The following KIAA1217 variants were observed in gnomAD, a reference collection of about 807,000 sequenced individuals.
KIAA1217 encodes the protein sickle tail protein homolog.
KIAA1217 carries 88 observed loss-of-function variants against 163.9 expected under a neutral mutation model. The observed-to-expected ratio is 0.54, with a 90% CI of 0.45 to 0.64. The LOEUF is 0.64. Ranked by LOEUF, KIAA1217 falls within the 30% of genes least tolerant of loss-of-function variation. The pLI is 0.00. For missense variants in KIAA1217, 2,372 were observed against 2,475.0 expected (o/e 0.96, Z 0.88); for synonymous variants, 903 against 923.1 (o/e 0.98, Z 0.39).
chr10:24,455,537 G>C (rs1358086227), intron 5 of KIAA1217, among the ~76,000 whole-genome samples: 2 of 152,210 alleles, frequency 1.3e-5, no homozygotes, highest in Admixed American at 1.3e-4. Context: ...GACAGGACTA[G>C]AATGGATAAT....
chr10:24,428,190 T>A (rs1049856301), intron 3 of KIAA1217, among the ~76,000 whole-genome samples: 1 of 152,226 alleles, frequency 6.6e-6, no homozygotes, highest in Non-Finnish European at 1.5e-5. Context: ...TGGTGGCCTT[T>A]CTGCAGTGGC....
Position 24,433,152 on chromosome 10 carries a change from A to G in KIAA1217, c.711A>G (p.Lys237=). ...LESPSVAIYI[K]DESRNVYYEL... is the part of the protein sequence containing the mutation. The stretch of plus-strand genomic sequence containing the variant: ...CGCCCAGTGTCGCCATTTACATCAA[A>G]GATGAAAGCAGAAATGTCTATTATG... The change falls in exon 4 of 21, where the codon AAA becomes AAG. Residue 237 remains lysine (K), a synonymous_variant. Coordinates refer to ENST00000376454, the MANE Select transcript of KIAA1217 (RefSeq NM_019590.5). 6.2e-7 allele frequency: 1 copy of G among 1,614,092 alleles called. No individual in the cohort carries two copies. Among genetic ancestry groups the G allele is most frequent in the Non-Finnish European group, 8.5e-7 (1 of 1,179,982 alleles).
At chr10:24,492,696 A>C (rs2066296560) in intron 6 of KIAA1217, among the ~76,000 whole-genome samples, 1 of 152,174 alleles carries the variant, frequency 6.6e-6, no homozygotes, top group Non-Finnish European at 1.5e-5. Context: ...TACATATGGC[A>C]CTGAGAGTTA....
At chr10:24,237,094 C>T (rs1266514402) in intron 2 of KIAA1217, among the ~76,000 whole-genome samples, 2 of 152,206 alleles carry the variant, frequency 1.3e-5, no homozygotes, top group Non-Finnish European at 2.9e-5. Context: ...TTATTGAGCT[C>T]TGATTTGATT....
intron 3 of KIAA1217, among the ~76,000 whole-genome samples, chr10:24,430,682 C>T (rs917162708): frequency 1.7e-4 from 26 of 152,166 alleles, no homozygotes; most frequent in African/African-American, 5.6e-4. Context: ...TCTCTTAAGG[C>T]GCATGCAACC....
chr10:23,885,938 A>G (rs1239452323), intron 1 of KIAA1217, among the ~76,000 whole-genome samples: 1 of 151,926 alleles, frequency 6.6e-6, no homozygotes, highest in Non-Finnish European at 1.5e-5. Flanking sequence ...AACCATGTTT[A>G]GTGGGTTATT....
At chr10:24,386,836 C>T (rs2054076834) in intron 3 of KIAA1217, among the ~76,000 whole-genome samples, 1 of 152,154 alleles carries the variant, frequency 6.6e-6, no homozygotes, top group Non-Finnish European at 1.5e-5. Context: ...ACATTGGCCT[C>T]TTAAAATGCT....
intron 2 of KIAA1217, among the ~76,000 whole-genome samples, chr10:24,145,239 A>C (rs1263205404): frequency 2.0e-5 from 3 of 152,204 alleles, no homozygotes; most frequent in Non-Finnish European, 4.4e-5. Flanking sequence ...TTGCTCAAAA[A>C]TCGGGATAAC....
intron 2 of KIAA1217, among the ~76,000 whole-genome samples, chr10:24,045,769 C>T (rs1031628980): frequency 3.9e-5 from 6 of 152,106 alleles, no homozygotes; most frequent in African/African-American, 1.2e-4. Flanking sequence ...ACCATATACC[C>T]ATGTTTCATG....
chr10:24,355,403 A>C (rs1161305559), intron 2 of KIAA1217, among the ~76,000 whole-genome samples: 1 of 152,186 alleles, frequency 6.6e-6, no homozygotes, highest in Non-Finnish European at 1.5e-5. Context: ...CAGCATGGTC[A>C]GGTTCTGGTG....
upstream of KIAA1217, among the ~76,000 whole-genome samples, chr10:24,207,282 T>TCTCTCACACACACACA (rs529791287): frequency 1.4e-5 from 2 of 140,166 alleles, no homozygotes; most frequent in African/African-American, 5.8e-5. Context: ...TCTCTCTCTC[T>TCTCTCACACACACACA]CACACACACA....
rs1182240024 is a variant in KIAA1217, at chr10:24,437,687, C to T, written c.753-699C>T. On this transcript the variant is annotated intron_variant, in intron 4 of 20. Transcript: ENST00000376454. ...CCTGTCTTTTGCTACGTTATGACAC[C>T]TTGGCTCTAAGAGCCGGGTTCAGAG... is the stretch of plus-strand genomic sequence containing the variant. 2.0e-5 allele frequency among the ~76,000 whole-genome samples: 3 copies of T among 152,234 alleles called. No individual in the cohort carries two copies. The South Asian group carries it at 6.2e-4, about 32-fold the overall frequency.
At chr10:24,242,531 G>C (rs1180795848) in intron 2 of KIAA1217, among the ~76,000 whole-genome samples, 1 of 151,890 alleles carries the variant, frequency 6.6e-6, no homozygotes, top group Non-Finnish European at 1.5e-5. Flanking sequence ...TGTCTTTGTG[G>C]ATAGCACGGT....
At chr10:24,180,434 A>G (rs1356517831) in intron 2 of KIAA1217, among the ~76,000 whole-genome samples, 1 of 151,916 alleles carries the variant, frequency 6.6e-6, no homozygotes, top group Non-Finnish European at 1.5e-5. Context: ...TTAAAGGTGC[A>G]TGCCACTATA....
At chr10:24,364,466 A>G (rs2050483146) in intron 2 of KIAA1217, among the ~76,000 whole-genome samples, 1 of 152,094 alleles carries the variant, frequency 6.6e-6, no homozygotes, top group Non-Finnish European at 1.5e-5. Context: ...AGAAGCGAAA[A>G]AAGGTTCTCA....
At chr10:23,795,834 A>G (rs10764426) in intron 1 of KIAA1217, among the ~76,000 whole-genome samples, 12,239 of 152,238 alleles carry the variant, frequency 0.08, 796 homozygotes, top group African/African-American at 0.17. Flanking sequence ...AGATTGCTAT[A>G]AAACAACTCA....
At chr10:23,700,546 G>T (rs945493533) in intron 1 of KIAA1217, among the ~76,000 whole-genome samples, 1 of 150,228 alleles carries the variant, frequency 6.7e-6, no homozygotes, top group Non-Finnish European at 1.5e-5. Context: ...GATTCTACAT[G>T]ATCTACCTGC....
intron 3 of KIAA1217, among the ~76,000 whole-genome samples, chr10:24,426,782 G>A (rs1440590751): frequency 6.6e-6 from 1 of 152,228 alleles, no homozygotes; most frequent in Non-Finnish European, 1.5e-5. Flanking sequence ...GAGGTGGTGA[G>A]AAGTGCGTGG....
chr10:24,097,456 G>A (rs2062208873), intron 2 of KIAA1217, among the ~76,000 whole-genome samples: 2 of 152,250 alleles, frequency 1.3e-5, no homozygotes, highest in African/African-American at 4.8e-5. Flanking sequence ...AGGAGGCTGA[G>A]GAGGGAGGAT....
Sources: allele counts gnomAD v4.1 joint callset (sites outside exome capture counted in the v4.1 genomes callset), GRCh38; gene constraint gnomAD v4.1.1; transcripts MANE v1.5; gene names NCBI Gene and HGNC (gene_info 2026-07-23, HGNC 2026-07-21).